The following MED27 variants were observed in gnomAD, a reference collection of about 807,000 sequenced individuals.
MED27 encodes the protein mediator of RNA polymerase II transcription subunit 27.
A neutral mutation model predicts 38.2 loss-of-function variants in MED27; 30 were observed. The observed-to-expected ratio is 0.79, with a 90% CI of 0.59 to 1.07. The LOEUF is 1.07. Among genes scored for constraint, MED27 ranks in the 50% least tolerant of loss-of-function variants. The pLI is 0.00. For missense variants in MED27, 289 were observed against 397.5 expected, an observed-to-expected ratio of 0.73 and a Z score of 2.32; for synonymous variants, 122 against 153.5, an observed-to-expected ratio of 0.79 and a Z score of 1.52.
At chr9:131,968,197 G>T (rs1235328906) in intron 3 of MED27, among the ~76,000 whole-genome samples, 3 of 152,084 alleles carry the variant, frequency 2.0e-5, no homozygotes, top group African/African-American at 2.4e-5. Flanking sequence ...TTGAGACCAG[G>T]CACGGTGGCG....
chr9:131,896,652 T>G (rs1829837259), intron 4 of MED27, among the ~76,000 whole-genome samples: 2 of 152,140 alleles, frequency 1.3e-5, no homozygotes, highest in South Asian at 4.1e-4. Flanking sequence ...GGGTACTTCC[T>G]TTCAATCATT....
At chr9:131,969,501 G>T (rs188713760) in intron 3 of MED27, among the ~76,000 whole-genome samples, 282 of 152,058 alleles carry the variant, frequency 1.9e-3, no homozygotes, top group Middle Eastern at 0.01. Flanking sequence ...ATATTTCAGG[G>T]TAACATAATC....
chr9:131,923,637 T>C (rs1440348331), intron 4 of MED27, among the ~76,000 whole-genome samples: 2 of 152,222 alleles, frequency 1.3e-5, no homozygotes, highest in African/African-American at 4.8e-5. Context: ...AACATTCACA[T>C]GTTCTAACAG....
intron 3 of MED27, among the ~76,000 whole-genome samples, chr9:131,941,713 C>G (rs1219174855): frequency 3.3e-5 from 5 of 151,834 alleles, no homozygotes; most frequent in Non-Finnish European, 5.9e-5. Flanking sequence ...AACAGCATCT[C>G]CTATCTCTCA....
At chr9:131,887,987 A>G (rs371036425) in intron 5 of MED27, among the ~76,000 whole-genome samples, 10 of 152,208 alleles carry the variant, frequency 6.6e-5, no homozygotes, top group South Asian at 4.1e-4. Flanking sequence ...GTCTGTTCTC[A>G]GGGCAAACAC....
At chr9:131,951,525 C>T (rs1830996522) in intron 3 of MED27, among the ~76,000 whole-genome samples, 1 of 152,212 alleles carries the variant, frequency 6.6e-6, no homozygotes, top group Non-Finnish European at 1.5e-5. Context: ...TTAGGAATCA[C>T]AGGGACCTAG....
intron 3 of MED27, among the ~76,000 whole-genome samples, chr9:131,963,962 C>CG (rs1011474075): frequency 6.6e-6 from 1 of 151,998 alleles, no homozygotes; most frequent in Non-Finnish European, 1.5e-5. Context: ...CAATTTATTA[C>CG]GGGGGTTAAA....
At chr9:131,902,137 C>T (rs1442571312) in intron 4 of MED27, among the ~76,000 whole-genome samples, 5 of 152,180 alleles carry the variant, frequency 3.3e-5, no homozygotes, top group Non-Finnish European at 7.3e-5. Flanking sequence ...TGGCTTCCCT[C>T]ACAAATGACT....
intron 6 of MED27, among the ~76,000 whole-genome samples, chr9:131,881,422 A>G (rs557016072): frequency 1.3e-5 from 2 of 152,100 alleles, no homozygotes; most frequent in East Asian, 3.9e-4. Flanking sequence ...GGAGGAAGAG[A>G]GAGTGGGAGG....
At chr9:131,957,065 G>A (rs574450692) in intron 3 of MED27, among the ~76,000 whole-genome samples, 5 of 152,304 alleles carry the variant, frequency 3.3e-5, no homozygotes, top group South Asian at 2.1e-4. Flanking sequence ...GCAAGGAGAC[G>A]TCGCATTCGC....
intron 6 of MED27, among the ~76,000 whole-genome samples, chr9:131,877,198 TTCATCTGTGGCA>T (rs1838951100): frequency 6.6e-6 from 1 of 152,190 alleles, no homozygotes; most frequent in Non-Finnish European, 1.5e-5. Context: ...CTTCCAGGCC[TTCATCTGTGGCA>T]TTTGAAGAGA....
Position 132,035,344 on chromosome 9 carries a change from G to A in MED27, c.349-20877C>T, listed in dbSNP as rs141779714. Among the ~76,000 whole-genome samples, 876 of 152,226 alleles carry A rather than the reference G, an allele frequency of 5.8e-3. 7 individuals carry two copies. The highest frequency in any genetic ancestry group is 0.01 in the Non-Finnish European group (705 of 68,022). On this transcript the variant is annotated intron_variant, in intron 2 of 7. Coordinates refer to ENST00000292035, the MANE Select transcript of MED27 (RefSeq NM_004269.4). ...GGCACTGCTCTAAGGACAGTACTGG[G>A]AATAAGCAACAAACAAAACAGACAG...
chr9:132,045,222 A>G (rs948882414), intron 2 of MED27, among the ~76,000 whole-genome samples: 6 of 152,188 alleles, frequency 3.9e-5, no homozygotes, highest in Admixed American at 1.3e-4. Context: ...TAGATACTCA[A>G]GATTGTTCCC....
At chr9:132,019,141 C>A (rs1832667503) in intron 2 of MED27, among the ~76,000 whole-genome samples, 1 of 152,116 alleles carries the variant, frequency 6.6e-6, no homozygotes, top group Non-Finnish European at 1.5e-5. Flanking sequence ...AAAAGACAGC[C>A]TTGTGTTATT....
At chr9:132,008,992 C>T (rs537560726) in intron 3 of MED27, among the ~76,000 whole-genome samples, 20 of 152,308 alleles carry the variant, frequency 1.3e-4, no homozygotes, top group East Asian at 5.8e-4. Context: ...TGGTGAAGGG[C>T]GGCTGGGCTT....
At chr9:132,049,919 G>C (rs955710111) in intron 2 of MED27, among the ~76,000 whole-genome samples, 11 of 152,126 alleles carry the variant, frequency 7.2e-5, no homozygotes, top group African/African-American at 2.4e-4. Context: ...TGGAATGTCT[G>C]TATGTTTTAC....
At chr9:131,926,815 G>A (rs892236619) in intron 4 of MED27, among the ~76,000 whole-genome samples, 22 of 152,158 alleles carry the variant, frequency 1.4e-4, no homozygotes, top group Non-Finnish European at 2.8e-4. Context: ...TTAAAATGTC[G>A]ATTTAGAAAG....
intron 3 of MED27, among the ~76,000 whole-genome samples, chr9:131,944,187 C>T (rs1830838684): frequency 1.3e-5 from 2 of 152,156 alleles, no homozygotes; most frequent in African/African-American, 4.8e-5. Context: ...TCAAGTAGCC[C>T]AGCTTGCTCC....
chr9:131,967,555 G>A (rs1157798190), intron 3 of MED27, among the ~76,000 whole-genome samples: 1 of 149,950 alleles, frequency 6.7e-6, no homozygotes, highest in African/African-American at 2.5e-5. Flanking sequence ...GCAATGGCAC[G>A]ATCTCAGCTC....
Sources: allele counts gnomAD v4.1 joint callset (sites outside exome capture counted in the v4.1 genomes callset), GRCh38; gene constraint gnomAD v4.1.1; transcripts MANE v1.5; gene names NCBI Gene and HGNC (gene_info 2026-07-23, HGNC 2026-07-21).